The following SCCPDH variants were observed in gnomAD, a reference collection of about 807,000 sequenced individuals.
SCCPDH encodes saccharopine dehydrogenase-like oxidoreductase.
SCCPDH carries 34 observed loss-of-function variants against 51.5 expected under a neutral mutation model. That is an observed-to-expected ratio of 0.66 (90% CI 0.50 to 0.88). The LOEUF (loss-of-function observed/expected upper bound fraction) is 0.88. Ranked by LOEUF, SCCPDH falls within the 40% of genes least tolerant of loss-of-function variation. The probability of loss-of-function intolerance (pLI) is 0.00; values close to 1 mark genes in which losing one functional copy is unlikely to be tolerated. For synonymous variants in SCCPDH, 187 were observed against 191.3 expected, an observed-to-expected ratio of 0.98 and a Z score of 0.19; for missense variants, 464 against 527.1, an observed-to-expected ratio of 0.88 and a Z score of 1.17.
chr1:246,737,877 C>T (rs1163826827), intron 3 of SCCPDH, among the ~76,000 whole-genome samples: 1 of 152,038 alleles, frequency 6.6e-6, no homozygotes, highest in African/African-American at 2.4e-5. Flanking sequence ...CAGGCATGAG[C>T]CACCACGCCC....
At chr1:246,742,485 G>A (rs954450621) in intron 4 of SCCPDH, among the ~76,000 whole-genome samples, 4 of 152,200 alleles carry the variant, frequency 2.6e-5, no homozygotes, top group African/African-American at 7.2e-5. Flanking sequence ...TAGGTGTTCT[G>A]TGTTCTTCTG....
At chr1:246,746,057 A>G (rs1320467619) in intron 5 of SCCPDH, among the ~76,000 whole-genome samples, 17 of 149,538 alleles carry the variant, frequency 1.1e-4, no homozygotes, top group South Asian at 2.1e-4. Context: ...GCAGTGAGCC[A>G]AGATCGCACC....
intron 7 of SCCPDH, among the ~76,000 whole-genome samples, 198 bp from the exon 8 acceptor site, chr1:246,759,759 A>T (rs1668983573): frequency 6.6e-6 from 1 of 152,252 alleles, no homozygotes; most frequent in Non-Finnish European, 1.5e-5. Flanking sequence ...CCTGTTCACC[A>T]GGTCTGACAA....
intron 2 of SCCPDH, among the ~76,000 whole-genome samples, chr1:246,733,269 TAG>T (rs1668518674): frequency 6.6e-6 from 1 of 151,974 alleles, no homozygotes; most frequent in Non-Finnish European, 1.5e-5. Flanking sequence ...GTATTTTTTG[TAG>T]AGACAGGGTT....
At position 246,759,979 on chromosome 1, in the gene SCCPDH, C is replaced by G; in HGVS notation, c.836C>G (p.Thr279Ser). 1 of 1,613,512 alleles carries G rather than the reference C, an allele frequency of 6.2e-7. No homozygotes were observed. The highest frequency in any genetic ancestry group is 8.5e-7 in the Non-Finnish European group (1 of 1,179,782). Reference sequence around the variant, plus strand: ...TAGGTTCAGTATGCTGCGTATGTAACTGTGGGAGGCATCACCTCTGTTATT... The same window carrying G: ...TAGGTTCAGTATGCTGCGTATGTAAGTGTGGGAGGCATCACCTCTGTTATT... Reference protein sequence around the residue: ...ESPVQYAAYVTVGGITSVIKL... With the variant: ...ESPVQYAAYVSVGGITSVIKL... The change falls in exon 8 of 12, where the codon ACT becomes AGT. Residue 279 changes from threonine to serine, a missense_variant. Coordinates refer to ENST00000366510, the MANE Select transcript of SCCPDH (RefSeq NM_016002.3).
chr1:246,742,490 C>G (rs1381108229), intron 4 of SCCPDH, among the ~76,000 whole-genome samples: 1 of 152,188 alleles, frequency 6.6e-6, no homozygotes, highest in Admixed American at 6.5e-5. Flanking sequence ...GTTCTGTGTT[C>G]TTCTGCGGAT....
rs751968142 is a variant in SCCPDH, at chr1:246,736,025, C to T, written c.354C>T (p.Ala118=). The T allele has an allele frequency of 1.9e-6, 3 of 1,612,234 alleles. No individual in the cohort carries two copies. The highest frequency in any genetic ancestry group is 3.3e-5 in the Admixed American group (2 of 59,946). The stretch of plus-strand genomic sequence containing the variant: ...TAAAAGCATGTATTGAAAATGGAGC[C>T]AGTTGTATCGACATCAGTGGAGAAC... ...PVIKACIENG[A]SCIDISGEPQ... is the part of the protein sequence containing the mutation. Residue 118 remains alanine, a synonymous_variant, in exon 3 of 12, where the codon GCC becomes GCT. Coordinates refer to ENST00000366510, the MANE Select transcript of SCCPDH (RefSeq NM_016002.3).
chr1:246,762,281 C>T (rs777649412), intron 9 of SCCPDH, among the ~76,000 whole-genome samples: 1 of 152,170 alleles, frequency 6.6e-6, no homozygotes, highest in Non-Finnish European at 1.5e-5. Context: ...CAAAAATGAA[C>T]AGAAGGACTT....
chr1:246,758,627 T>C (rs1447342269), intron 6 of SCCPDH, among the ~76,000 whole-genome samples: 1 of 152,196 alleles, frequency 6.6e-6, no homozygotes, highest in East Asian at 1.9e-4. Flanking sequence ...TAATAAAACA[T>C]GTGAATCCTA....
At chr1:246,741,787 C>T (rs947758139) in intron 4 of SCCPDH, among the ~76,000 whole-genome samples, 2 of 152,126 alleles carry the variant, frequency 1.3e-5, no homozygotes, top group African/African-American at 4.8e-5. Flanking sequence ...AATGTCAGGG[C>T]TGGGCACGGT....
chr1:246,766,371 G>A (rs1384975997), intron 11 of SCCPDH, among the ~76,000 whole-genome samples: 1 of 152,190 alleles, frequency 6.6e-6, no homozygotes, highest in East Asian at 1.9e-4. Flanking sequence ...AAAAGTTGGA[G>A]AGCCATGAGT....
At chr1:246,730,598 GC>G (rs1668478031) in intron 2 of SCCPDH, among the ~76,000 whole-genome samples, 1 of 152,196 alleles carries the variant, frequency 6.6e-6, no homozygotes, top group African/African-American at 2.4e-5. Flanking sequence ...ACTTAACATG[GC>G]CCAGGGAATG....
At chr1:246,730,985 G>A (rs1361745738) in intron 2 of SCCPDH, among the ~76,000 whole-genome samples, 1 of 152,204 alleles carries the variant, frequency 6.6e-6, no homozygotes, top group South Asian at 2.1e-4. Flanking sequence ...ACTTGAATCC[G>A]GGAGGCGGAG....
chr1:246,768,068 A>G lies in SCCPDH; in HGVS notation c.*768A>G, dbSNP rs1435621357. ...GTATTTTAACTAGGTTTTACATGGA[A>G]GCCCTAAAATAAGGCAAAAGACTTT... is the stretch of plus-strand genomic sequence containing the variant. On this transcript the variant is annotated 3_prime_UTR_variant, in exon 12 of 12. Transcript: ENST00000366510. 2 of 152,210 alleles carry G rather than the reference A, an allele frequency of 1.3e-5. No homozygotes were observed. The highest frequency in any genetic ancestry group is 4.8e-5 in the African/African-American group (2 of 41,460). 9.4% of individuals were successfully genotyped at this position (152,210 alleles called of 1,614,324 possible).
chr1:246,728,026 A>G (rs983956347), intron 2 of SCCPDH, among the ~76,000 whole-genome samples: 1 of 135,618 alleles, frequency 7.4e-6, no homozygotes, highest in African/African-American at 2.6e-5. Flanking sequence ...TGCAAGCACA[A>G]GCCCTGGGGT....
intron 5 of SCCPDH, among the ~76,000 whole-genome samples, chr1:246,751,944 T>A (rs951682932): frequency 6.7e-6 from 1 of 149,176 alleles, no homozygotes; most frequent in African/African-American, 2.6e-5. Flanking sequence ...GGCTAATTTT[T>A]TTTTTTTTGT....
In SCCPDH at chr1:246,762,399, G is replaced by A. The variant is rs563088456; in HGVS notation, c.991-1847G>A. Among the ~76,000 whole-genome samples the A allele has an allele frequency of 3.0e-4, 45 of 152,230 alleles. 1 individual carries two copies. In the South Asian group the frequency reaches 8.9e-3, roughly 30 times the overall value. On this transcript the variant is annotated intron_variant, in intron 9 of 11. Transcript: ENST00000366510. Reference sequence around the variant, plus strand: ...CTTCCATCTCTTGCTTGAACTTTTCGTAGCATTCCTACGGTTTCTTTCTAA... The same window carrying A: ...CTTCCATCTCTTGCTTGAACTTTTCATAGCATTCCTACGGTTTCTTTCTAA...
intron 9 of SCCPDH, 129 bp from the exon 10 acceptor site, chr1:246,764,117 A>G (rs1669056472): frequency 1.7e-6 from 1 of 576,928 alleles, no homozygotes; most frequent in Non-Finnish European, 3.1e-6. Flanking sequence ...ATGACGGGAT[A>G]TTCTGGCAGA....
intron 2 of SCCPDH, among the ~76,000 whole-genome samples, chr1:246,732,365 GATAGGTAGC>G (rs1188494195): frequency 6.6e-6 from 1 of 151,998 alleles, no homozygotes; most frequent in Non-Finnish European, 1.5e-5. Context: ...TGACTTCCAG[GATAGGTAGC>G]ATGAAAGACT....
Sources: allele counts gnomAD v4.1 joint callset (sites outside exome capture counted in the v4.1 genomes callset), GRCh38; gene constraint gnomAD v4.1.1; transcripts MANE v1.5; gene names NCBI Gene and HGNC (gene_info 2026-07-23, HGNC 2026-07-21).